The following CELF2 variants were observed in gnomAD, a reference collection of about 807,000 sequenced individuals.
CELF2 encodes the protein CUG triplet repeat RNA-binding protein 2.
CELF2 carries 8 observed loss-of-function variants against 62.6 expected under a neutral mutation model. That is an observed-to-expected ratio of 0.13 (90% confidence interval 0.07 to 0.23). CELF2 has a LOEUF of 0.23. Ranked by LOEUF, CELF2 falls within the 10% of genes least tolerant of loss-of-function variation. The pLI, the probability that CELF2 is intolerant of heterozygous loss-of-function variation, is 1.00. For missense variants in CELF2, 333 were observed against 671.0 expected (o/e 0.50, Z 5.56); for synonymous variants, 258 against 250.0 (o/e 1.03, Z -0.30).
rs1426666023 is a variant in CELF2, at chr10:11,012,456, T to C, written c.53+7016T>C. On this transcript the variant is annotated intron_variant, in intron 1 of 12. Transcript: ENST00000416382. This position sits in a 1 kb window ranked among gnomAD's most constrained non-coding sequence, Gnocchi z 5.5. ...CTGTCATGCCCAGAGAGATTCCCTC[T>C]GAAGTAGAGAATTTGATTCCTGCCA... Among the ~76,000 whole-genome samples, 1 of 152,222 alleles carries C rather than the reference T, an allele frequency of 6.6e-6. No individual in the cohort carries two copies. Among genetic ancestry groups the C allele is most frequent in the Non-Finnish European group, 1.5e-5 (1 of 68,048 alleles).
intron 1 of CELF2, among the ~76,000 whole-genome samples, chr10:11,089,592 A>G (rs1196151905): frequency 6.6e-6 from 1 of 152,208 alleles, no homozygotes; most frequent in Admixed American, 6.5e-5. Flanking sequence ...GGTCTTTGAA[A>G]GAGGTTTCAG....
chr10:11,241,399 C>A (rs76366140), intron 3 of CELF2, among the ~76,000 whole-genome samples: 1 of 152,238 alleles, frequency 6.6e-6, no homozygotes, highest in East Asian at 1.9e-4. Context: ...AGAGTTTCAC[C>A]ATGTTGGCTA....
At position 11,315,707 on chromosome 10, in the gene CELF2, C is replaced by T. The variant is rs2094915577; in HGVS notation, c.1096+1449C>T. The stretch of plus-strand genomic sequence containing the variant: ...TGAAGTGGTAGCTGTGCCGCGGCCT[C>T]ATTGTTTTATTCCAGTTAGAACCGC... On this transcript the variant is annotated intron_variant, in intron 10 of 12. Transcript: ENST00000633077. The surrounding 1 kb of genome is among the most constrained non-coding windows in gnomAD (Gnocchi z 5.8). Among the ~76,000 whole-genome samples, 1 of 152,196 alleles carries T rather than the reference C, an allele frequency of 6.6e-6. No individual in the cohort carries two copies. Among genetic ancestry groups the T allele is most frequent in the Admixed American group, 6.5e-5 (1 of 15,278 alleles).
intron 8 of CELF2, 82 bp downstream of exon 8, chr10:11,275,202 A>G: frequency 7.5e-7 from 1 of 1,334,028 alleles, no homozygotes; most frequent in Non-Finnish European, 1.1e-6. Context: ...GACAAGAAGC[A>G]GGGGAAGAGA....
intron 1 of CELF2, among the ~76,000 whole-genome samples, chr10:10,805,505 T>C (rs2055127519): frequency 6.6e-6 from 1 of 152,186 alleles, no homozygotes; most frequent in African/African-American, 2.4e-5. Flanking sequence ...CTGGAATGCA[T>C]TGTCAATTCT....
At chr10:10,619,602 C>T in the CELF2 span, among the ~76,000 whole-genome samples, 2 of 152,210 alleles carry the variant, frequency 1.3e-5, no homozygotes, top group Admixed American at 6.5e-5. Context: ...TATGGTCTTA[C>T]CCACCTGGCC....
Position 10,834,764 on chromosome 10 carries a change from G to C in CELF2, c.53+35947G>C, listed in dbSNP as rs995055512. On this transcript the variant is annotated intron_variant, in intron 1 of 13. Transcript: ENST00000636488. ...GACAAAACTTTGGTTTGATGTGATA[G>C]ATAATAAAATTATAAAAGTCATTAA... 2.6e-5 allele frequency among the ~76,000 whole-genome samples: 4 copies of C among 152,266 alleles called. No individual in the cohort carries two copies. In the South Asian group the frequency reaches 8.3e-4, roughly 32 times the overall value.
chr10:11,143,117 T>G (rs550586548), intron 1 of CELF2, among the ~76,000 whole-genome samples: 6 of 152,280 alleles, frequency 3.9e-5, no homozygotes, highest in Middle Eastern at 6.8e-3. Flanking sequence ...CCCCTCGTGC[T>G]TCTTCCTCTC....
the CELF2 span, among the ~76,000 whole-genome samples, chr10:10,554,369 G>A: frequency 6.6e-6 from 1 of 152,284 alleles, no homozygotes; most frequent in East Asian, 1.9e-4. Context: ...TCTTTGGCGT[G>A]TTTGCACTCT....
chr10:10,700,005 C>T, the CELF2 span, among the ~76,000 whole-genome samples: 2 of 152,164 alleles, frequency 1.3e-5, no homozygotes, highest in Non-Finnish European at 1.5e-5. Context: ...AAAAGCCTAG[C>T]CTCCACCTTA....
chr10:11,197,625 T>A (rs1243353985), intron 2 of CELF2, among the ~76,000 whole-genome samples: 1 of 152,228 alleles, frequency 6.6e-6, no homozygotes, highest in African/African-American at 2.4e-5. Flanking sequence ...AGGCTGTCCT[T>A]TGGGCTCCCC....
upstream of CELF2, among the ~76,000 whole-genome samples, chr10:10,794,018 C>T (rs192163565): frequency 1.6e-4 from 24 of 151,998 alleles, no homozygotes; most frequent in Non-Finnish European, 2.6e-4. Context: ...ATGGTTAGGG[C>T]CATACTTATA....
chr10:11,291,462 T>G (rs1173405747), intron 9 of CELF2, among the ~76,000 whole-genome samples: 1 of 152,194 alleles, frequency 6.6e-6, no homozygotes, highest in Non-Finnish European at 1.5e-5. Context: ...AAATAAAAAT[T>G]AAAATAGTTT....
the CELF2 span, among the ~76,000 whole-genome samples, chr10:10,571,279 A>T: frequency 0.027 from 4,091 of 152,298 alleles, 173 homozygotes; most frequent in African/African-American, 0.093. Context: ...TAAATCTATT[A>T]GTAAAGAACG....
the CELF2 span, among the ~76,000 whole-genome samples, chr10:10,763,098 A>G: frequency 6.6e-6 from 1 of 152,202 alleles, no homozygotes; most frequent in African/African-American, 2.4e-5. Flanking sequence ...CAATTTGCTC[A>G]TTTTACAAAA....
At chr10:11,141,392 G>A (rs1301129007) in intron 1 of CELF2, among the ~76,000 whole-genome samples, 1 of 152,222 alleles carries the variant, frequency 6.6e-6, no homozygotes, top group Non-Finnish European at 1.5e-5. Context: ...GACTCGGAGG[G>A]GTAGGATGGG....
chr10:10,651,431 C>G, the CELF2 span, among the ~76,000 whole-genome samples: 8 of 140,546 alleles, frequency 5.7e-5, no homozygotes, highest in Admixed American at 5.0e-4. Context: ...CACAGACAAA[C>G]AAAAAGACAG....
At chr10:10,578,205 G>T in the CELF2 span, among the ~76,000 whole-genome samples, 2 of 152,014 alleles carry the variant, frequency 1.3e-5, no homozygotes, top group South Asian at 2.1e-4. Context: ...TTTTGATGGG[G>T]TTGTTTGTTT....
chr10:10,617,273 C>T, the CELF2 span, among the ~76,000 whole-genome samples: 1 of 152,090 alleles, frequency 6.6e-6, no homozygotes, highest in African/African-American at 2.4e-5. Context: ...ATGTATTGAT[C>T]CCTCACCATG....
Sources: allele counts gnomAD v4.1 joint callset (sites outside exome capture counted in the v4.1 genomes callset), GRCh38; gene constraint gnomAD v4.1.1; non-coding constraint Gnocchi (gnomAD v3.1); transcripts MANE v1.5; gene names NCBI Gene and HGNC (gene_info 2026-07-23, HGNC 2026-07-21).